The following UBE4A variants were observed in gnomAD, a reference collection of about 807,000 sequenced individuals.
UBE4A encodes ubiquitin conjugation factor E4 A.
UBE4A carries 48 observed loss-of-function variants against 117.9 expected under a neutral mutation model. The observed-to-expected ratio is 0.41, with a 90% CI of 0.32 to 0.52. UBE4A has a LOEUF of 0.52. UBE4A is among the 20% of genes least tolerant of loss of function. The pLI is 0.33. For missense variants in UBE4A, 1,067 were observed against 1,296.3 expected (o/e 0.82, Z 2.72); for synonymous variants, 407 against 450.0 (o/e 0.90, Z 1.21).
intron 7 of UBE4A, 94 bp from the exon 8 acceptor site, chr11:118,373,400 G>T: frequency 6.6e-7 from 1 of 1,522,848 alleles, no homozygotes; most frequent in Non-Finnish European, 8.9e-7. Flanking sequence ...AGATAGCTTG[G>T]TTGTTGTATC....
rs79990075 is a variant in UBE4A at position 118,396,971 on chromosome 11, C to T, written c.*531C>T. ...GAGTAACTTCACATAAAAGCAGATA[C>T]CTTTAAGTTTGTGTAGACTTCTGAA... On this transcript the variant is annotated 3_prime_UTR_variant, in exon 20 of 20. Coordinates refer to ENST00000252108, the MANE Select transcript of UBE4A (RefSeq NM_001204077.2). 0.035 allele frequency: 5,325 copies of T among 152,222 alleles called. 110 individuals carry two copies. The highest frequency in any genetic ancestry group is 0.058 in the African/African-American group (2,422 of 41,494). The allele number at this position is 152,222 out of a possible 1,614,324, so 9.4% of individuals were successfully genotyped here.
chr11:118,369,478 A>G lies in UBE4A; in HGVS notation c.351A>G (p.Glu117=), dbSNP rs373125250. 2.0e-5 allele frequency: 32 copies of G among 1,614,084 alleles called. No individual in the cohort carries two copies. The highest frequency in any genetic ancestry group is 1.3e-5 in the Non-Finnish European group (15 of 1,180,046). The change falls in exon 4 of 20, where the codon GAA becomes GAG. Residue 117 remains glutamate, a synonymous_variant. Transcript: ENST00000252108. ...TCCCTAGCCGTTGTGTGTATTTGGA[A>G]GAAATGGCAGTAGAGCTAGAAGATC... ...NGIPSRCVYL[E]EMAVELEDQD...
intron 8 of UBE4A, among the ~76,000 whole-genome samples, chr11:118,374,194 C>T (rs1414867191): frequency 6.6e-6 from 1 of 152,130 alleles, no homozygotes; most frequent in Non-Finnish European, 1.5e-5. Context: ...TACTCATTAC[C>T]CTTTGCTGTA....
chr11:118,392,942 T>G, intron 19 of UBE4A, 47 bp downstream of exon 19: 1 of 1,570,518 alleles, frequency 6.4e-7, no homozygotes. Context: ...TATATATTAG[T>G]TTGCTATCTT....
chr11:118,372,398 C>G, intron 5 of UBE4A, 109 bp from the exon 6 acceptor site: 3 of 1,113,222 alleles, frequency 2.7e-6, no homozygotes, highest in Non-Finnish European at 3.6e-6. Flanking sequence ...AATTAATTTT[C>G]AAGCATCCAC....
At position 118,372,552 on chromosome 11, in the gene UBE4A, A is replaced by G; in HGVS notation, c.607A>G (p.Arg203Gly). 6.2e-7 allele frequency: 1 copy of G among 1,614,052 alleles called. No homozygotes were observed. Among genetic ancestry groups the G allele is most frequent in the South Asian group, 1.1e-5 (1 of 91,078 alleles). The change falls in exon 6 of 20, where the codon AGA (arginine) becomes GGA (glycine). Residue 203 changes from arginine to glycine, a missense_variant. By Grantham distance (125) the Arg-to-Gly change is moderately radical (BLOSUM62 -2). This residue lies in a region of UBE4A where 1,001 missense variants were observed against 1,184.0 expected (regional missense o/e 0.85). Coordinates refer to ENST00000252108, the MANE Select transcript of UBE4A (RefSeq NM_001204077.2). ...CCTGCTACCCTTTGCAGTGCAGTGCAGAAACCTCACTGTGTCCAATACCCG... is the reference window on the plus strand; with the variant it reads ...CCTGCTACCCTTTGCAGTGCAGTGCGGAAACCTCACTGTGTCCAATACCCG... ...ENLLPFAVQC[R>G]NLTVSNTRTV...
chr11:118,384,858 T>C lies in UBE4A; in HGVS notation c.2325T>C (p.Asn775=), dbSNP rs1948740824. Residue 775 remains asparagine, a synonymous_variant, in exon 15 of 20, where the codon AAT becomes AAC. Coordinates refer to ENST00000252108, the MANE Select transcript of UBE4A (RefSeq NM_001204077.2). ...ATTTGGCTGACTATGCCTCTAAGAA[T>C]TTAGAAGCCATGAATCCCCCACTTT... ...IKDLADYASK[N]LEAMNPPLFL... The C allele has an allele frequency of 1.2e-6, 2 of 1,613,178 alleles. No homozygotes were observed. The highest frequency in any genetic ancestry group is 1.3e-5 in the African/African-American group (1 of 74,578).
intron 11 of UBE4A, 148 bp downstream of exon 11, chr11:118,379,898 G>A: frequency 1.0e-6 from 1 of 980,862 alleles, no homozygotes; most frequent in Non-Finnish European, 1.5e-6. Context: ...AATATCTACT[G>A]GTCAAAGTAT....
At chr11:118,374,060 G>A (rs1261922413) in intron 8 of UBE4A, among the ~76,000 whole-genome samples, 2 of 152,020 alleles carry the variant, frequency 1.3e-5, no homozygotes, top group African/African-American at 2.4e-5. Context: ...ACTTCAGTAA[G>A]CCATGATTGC....
In UBE4A at chr11:118,396,241, G is replaced by C; in HGVS notation, c.3075-73G>C. 2.6e-6 allele frequency: 4 copies of C among 1,540,732 alleles called. No homozygotes were observed. In the South Asian group the frequency reaches 5.0e-5, roughly 19 times the overall value. ...CTTCATTCTTAAGATGCGACGCCCAGGTGTTCTGTTTTTGGCTTAGAATGT... is the reference window on the plus strand; with the variant it reads ...CTTCATTCTTAAGATGCGACGCCCACGTGTTCTGTTTTTGGCTTAGAATGT... On this transcript the variant is annotated intron_variant, in intron 19 of 19. Transcript: ENST00000252108.
intron 10 of UBE4A, among the ~76,000 whole-genome samples, chr11:118,377,669 T>G (rs1413277127): frequency 6.6e-6 from 1 of 151,962 alleles, no homozygotes; most frequent in African/African-American, 2.4e-5. Flanking sequence ...CCTTTGCACT[T>G]TGGGAGGCCG....
chr11:118,389,295 G>C (rs914241831), intron 16 of UBE4A, among the ~76,000 whole-genome samples: 1 of 152,202 alleles, frequency 6.6e-6, no homozygotes, highest in Non-Finnish European at 1.5e-5. Flanking sequence ...CATATGGCCA[G>C]TGGCTACTAT....
chr11:118,362,480 T>C (rs1267694857), intron 1 of UBE4A, among the ~76,000 whole-genome samples: 1 of 152,182 alleles, frequency 6.6e-6, no homozygotes, highest in African/African-American at 2.4e-5. Context: ...GGCTTTCAGC[T>C]TCCTTTCTGC....
intron 4 of UBE4A, among the ~76,000 whole-genome samples, chr11:118,371,280 T>C (rs502514): frequency 0.23 from 35,171 of 152,038 alleles, 4,998 homozygotes; most frequent in Non-Finnish European, 0.32. Context: ...TAATGCCTAC[T>C]CTATGCTGGG....
rs1317317803 is a variant in UBE4A, at chr11:118,386,565, ACAT to A, written c.2544_2546del (p.Ile848del). 6.3e-7 allele frequency: 1 copy of A among 1,599,474 alleles called. No homozygotes were observed. Among genetic ancestry groups the A allele is most frequent in the Non-Finnish European group, 8.5e-7 (1 of 1,175,070 alleles). ...TTTGGACAGCTGGCACGTTTCCATA[ACAT>A]CATGTCCAATGAAACAATCGGTACC... is the stretch of plus-strand genomic sequence containing the variant. On this transcript the variant is annotated inframe_deletion, in exon 16 of 20. Transcript: ENST00000252108.
chr11:118,385,000 G>T, intron 15 of UBE4A, 55 bp downstream of exon 15: 1 of 1,440,274 alleles, frequency 6.9e-7, no homozygotes. Context: ...CAAATCATCA[G>T]CAGTACATAC....
Position 118,392,852 on chromosome 11 carries a change from A to G in UBE4A, c.3031A>G (p.Arg1011Gly). Reference protein sequence around the residue: ...MCDPVVLPSSRVTVDRSTIAR... With the variant: ...MCDPVVLPSSGVTVDRSTIAR... ...TGACCCTGTGGTGCTGCCATCTTCC[A>G]GAGTCACTGTGGATAGATCCACCAT... The change falls in exon 19 of 20, where the codon AGA becomes GGA. Residue 1011 changes from arginine (R) to glycine (G), a missense_variant. By Grantham distance (125) the Arg-to-Gly change is moderately radical (BLOSUM62 -2). Transcript: ENST00000252108. 1 of 1,614,174 alleles carries G rather than the reference A, an allele frequency of 6.2e-7. No individual in the cohort carries two copies. The highest frequency in any genetic ancestry group is 8.5e-7 in the Non-Finnish European group (1 of 1,180,028).
chr11:118,389,480 T>C (rs1206576515), intron 16 of UBE4A, among the ~76,000 whole-genome samples: 1 of 152,226 alleles, frequency 6.6e-6, no homozygotes, highest in African/African-American at 2.4e-5. Context: ...ATTAGCAAGA[T>C]GTTAACAGTG....
chr11:118,386,426 T>C lies in UBE4A; in HGVS notation c.2413-12T>C, dbSNP rs781884118. Reference sequence around the variant, plus strand: ...TTTCTTCTCTGATATATCCCATCTCTGGTTTCTGCAGTATTTGAGCAAGAT... The same window carrying C: ...TTTCTTCTCTGATATATCCCATCTCCGGTTTCTGCAGTATTTGAGCAAGAT... On this transcript the variant is annotated splice_polypyrimidine_tract_variant and intron_variant, in intron 15 of 19. Transcript: ENST00000252108. 1 of 1,600,170 alleles carries C rather than the reference T, an allele frequency of 6.2e-7. No homozygotes were observed. The highest frequency in any genetic ancestry group is 1.1e-5 in the South Asian group (1 of 88,586).
Sources: gnomAD v4.1 joint callset for allele counts (sites outside exome capture counted in the v4.1 genomes callset) on GRCh38, gnomAD v4.1.1 for gene constraint, gnomAD v4.1.1 regional missense constraint, MANE v1.5 for transcripts, NCBI Gene and HGNC (gene_info 2026-07-23, HGNC 2026-07-21) for gene names.